Variants in FAM13C observed in about 807,000 individuals in gnomAD.
The protein encoded by FAM13C is protein FAM13C.
A neutral mutation model predicts 73.2 loss-of-function variants in FAM13C; 37 were observed. The ratio of observed to expected loss-of-function variants is 0.51; its 90% CI spans 0.39 to 0.67. The LOEUF (loss-of-function observed/expected upper bound fraction) is 0.67. Among genes scored for constraint, FAM13C ranks in the 30% least tolerant of loss-of-function variants. FAM13C has a pLI of 0.00. For synonymous variants in FAM13C, 246 were observed against 260.9 expected, an observed-to-expected ratio of 0.94 and a Z score of 0.55; for missense variants, 589 against 715.6, an observed-to-expected ratio of 0.82 and a Z score of 2.02.
intron 4 of FAM13C, among the ~76,000 whole-genome samples, chr10:59,304,834 CGGGGGA>C (rs1251595428): frequency 1.8e-4 from 6 of 33,658 alleles, no homozygotes; most frequent in Non-Finnish European, 2.5e-4. Flanking sequence ...GGGGAGGGGG[CGGGGGA>C]GGGGGAGGGG....
chr10:59,270,000 G>T lies in FAM13C; in HGVS notation c.702C>A (p.Asn234Lys). Residue 234 changes from asparagine (N) to lysine (K), a missense_variant, in exon 7 of 14, where the codon AAC (asparagine) becomes AAA (lysine). Asn to Lys is a moderately conservative substitution (Grantham distance 94). Coordinates refer to ENST00000618804, the MANE Select transcript of FAM13C (RefSeq NM_198215.4). ...RLLYHITDGDNPLLSPRCSIF... is the reference protein window; with the variant it reads ...RLLYHITDGDKPLLSPRCSIF... ...TGGAGCATCGTGGCGACAGCAGTGGGTTATCACCATCAGTGATGTGATAGA... is the reference window on the plus strand; with the variant it reads ...TGGAGCATCGTGGCGACAGCAGTGGTTTATCACCATCAGTGATGTGATAGA... The T allele has an allele frequency of 1.2e-6, 2 of 1,614,008 alleles. No homozygotes were observed. The highest frequency in any genetic ancestry group is 1.1e-5 in the South Asian group (1 of 91,084).
At chr10:59,302,589 C>T (rs1279317041) in intron 5 of FAM13C, among the ~76,000 whole-genome samples, 1 of 152,096 alleles carries the variant, frequency 6.6e-6, no homozygotes, top group South Asian at 2.1e-4. Context: ...GCCAAGACAT[C>T]GCAAGCCACC....
chr10:59,300,178 C>A (rs891674485), intron 5 of FAM13C, among the ~76,000 whole-genome samples: 39 of 152,278 alleles, frequency 2.6e-4, no homozygotes, highest in African/African-American at 9.1e-4. Flanking sequence ...AGCTGAGCCC[C>A]ATCTGTCAGT....
intron 2 of FAM13C, among the ~76,000 whole-genome samples, chr10:59,353,151 G>T (rs183182302): frequency 1.3e-5 from 2 of 152,188 alleles, no homozygotes; most frequent in African/African-American, 4.8e-5. Context: ...GAAGAGGGCG[G>T]TGTTATCTTC....
intron 4 of FAM13C, among the ~76,000 whole-genome samples, chr10:59,303,315 G>A (rs2133868516): frequency 6.6e-6 from 1 of 152,232 alleles, no homozygotes; most frequent in East Asian, 1.9e-4. Flanking sequence ...TCACTCTCTA[G>A]CATACAGTCC....
intron 5 of FAM13C, among the ~76,000 whole-genome samples, chr10:59,294,384 T>G (rs746206583): frequency 2.0e-5 from 3 of 152,176 alleles, no homozygotes; most frequent in African/African-American, 2.4e-5. Flanking sequence ...ATGGGTAGGC[T>G]GCCAGGCAAA....
intron 1 of FAM13C, among the ~76,000 whole-genome samples, chr10:59,358,920 C>T (rs1447267021): frequency 6.6e-6 from 1 of 152,230 alleles, no homozygotes; most frequent in Non-Finnish European, 1.5e-5. Context: ...TCCTGGCTTA[C>T]ATGGCACATG....
intron 4 of FAM13C, among the ~76,000 whole-genome samples, chr10:59,307,221 T>C (rs994197710): frequency 2.0e-4 from 30 of 152,242 alleles, no homozygotes; most frequent in African/African-American, 6.0e-4. Context: ...TCTAAGTGTG[T>C]TCAGCAGAGA....
chr10:59,261,286 C>T (rs1294516716), intron 10 of FAM13C, among the ~76,000 whole-genome samples: 1 of 152,060 alleles, frequency 6.6e-6, no homozygotes, highest in Admixed American at 6.6e-5. Context: ...TGTTTTAAGG[C>T]TAAAGGTATT....
chr10:59,359,346 G>A (rs1044351446), intron 1 of FAM13C, among the ~76,000 whole-genome samples: 2 of 152,240 alleles, frequency 1.3e-5, no homozygotes, highest in African/African-American at 4.8e-5. Context: ...GACAGGGCAT[G>A]CCATTTCTTA....
At chr10:59,359,768 C>A (rs548543615) in intron 1 of FAM13C, among the ~76,000 whole-genome samples, 8 of 152,350 alleles carry the variant, frequency 5.3e-5, no homozygotes, top group Admixed American at 2.0e-4. Context: ...TCTGGGTTCC[C>A]ACTTTGAGAT....
At chr10:59,263,061 C>T (rs1194412980) in intron 9 of FAM13C, among the ~76,000 whole-genome samples, 1 of 152,104 alleles carries the variant, frequency 6.6e-6, no homozygotes, top group Non-Finnish European at 1.5e-5. Context: ...TTCTGGAAGA[C>T]ATTATGCATG....
At chr10:59,312,254 C>T (rs1189731719) in intron 4 of FAM13C, among the ~76,000 whole-genome samples, 2 of 152,154 alleles carry the variant, frequency 1.3e-5, no homozygotes, top group South Asian at 2.1e-4. Flanking sequence ...ATCAGGTTAG[C>T]TCTTGGAACA....
intron 3 of FAM13C, among the ~76,000 whole-genome samples, chr10:59,343,460 G>C (rs1020736454): frequency 3.3e-5 from 5 of 152,208 alleles, no homozygotes; most frequent in Admixed American, 3.3e-4. Flanking sequence ...ACTTTGAGTA[G>C]AGGATGTGGA....
Position 59,277,135 on chromosome 10 carries a change from G to T in FAM13C, c.592+6228C>A, listed in dbSNP as rs1036988136. On this transcript the variant is annotated intron_variant, in intron 6 of 13. Transcript: ENST00000618804. ...ATGACTTGCACTGCAGGCCAGTAAT[G>T]ATGCCATTAAAGAAAACAAAGCCAG... is the stretch of plus-strand genomic sequence containing the variant. Among the ~76,000 whole-genome samples the T allele has an allele frequency of 3.3e-5, 5 of 152,112 alleles. No homozygotes were observed. In the South Asian group the frequency reaches 6.2e-4, roughly 19 times the overall value.
chr10:59,270,960 G>A (rs1036011681), intron 6 of FAM13C, among the ~76,000 whole-genome samples: 9 of 152,260 alleles, frequency 5.9e-5, no homozygotes, highest in Non-Finnish European at 1.0e-4. Context: ...CCACCTCACG[G>A]TCCTCCAGAA....
intron 10 of FAM13C, among the ~76,000 whole-genome samples, chr10:59,257,769 T>C (rs1382829114): frequency 6.6e-6 from 1 of 152,230 alleles, no homozygotes; most frequent in Non-Finnish European, 1.5e-5. Context: ...AATTTAGATG[T>C]TCAAGCCGGG....
chr10:59,264,925 AT>A (rs1842870126), intron 8 of FAM13C, among the ~76,000 whole-genome samples: 1 of 152,252 alleles, frequency 6.6e-6, no homozygotes, highest in East Asian at 1.9e-4. Context: ...GAAGTATAAA[AT>A]ATGCTCAAGG....
intron 5 of FAM13C, among the ~76,000 whole-genome samples, chr10:59,298,060 T>A (rs1246585259): frequency 6.6e-6 from 1 of 152,252 alleles, no homozygotes; most frequent in African/African-American, 2.4e-5. Context: ...TTATTTAGCA[T>A]CTGCTTCTTT....
Sources: allele counts gnomAD v4.1 joint callset (sites outside exome capture counted in the v4.1 genomes callset), GRCh38; gene constraint gnomAD v4.1.1; transcripts MANE v1.5; gene names NCBI Gene and HGNC (gene_info 2026-07-23, HGNC 2026-07-21).